Variants in GPD2 observed in about 807,000 individuals in gnomAD.
GPD2 encodes glycerol-3-phosphate dehydrogenase, mitochondrial.
A neutral mutation model predicts 82.4 loss-of-function variants in GPD2; 54 were observed. The observed-to-expected ratio is 0.66, with a 90% CI of 0.53 to 0.82. GPD2 has a LOEUF of 0.82. Ranked by LOEUF, GPD2 falls within the 40% of genes least tolerant of loss-of-function variation. GPD2 has a pLI of 0.00. For missense variants in GPD2, 748 were observed against 896.2 expected (o/e 0.83, Z 2.11); for synonymous variants, 288 against 306.1 (o/e 0.94, Z 0.62).
chr2:156,580,370 G>A (rs923803735), intron 16 of GPD2, among the ~76,000 whole-genome samples: 4 of 152,250 alleles, frequency 2.6e-5, no homozygotes, highest in Admixed American at 2.0e-4. Flanking sequence ...TCAAGGCTCT[G>A]TTGTTTAATC....
intron 1 of GPD2, among the ~76,000 whole-genome samples, chr2:156,439,462 G>C (rs1682064112): frequency 7.7e-6 from 1 of 130,630 alleles, no homozygotes; most frequent in Non-Finnish European, 1.6e-5. Flanking sequence ...CGTGCCTGTA[G>C]TCCCAGCTAC....
At chr2:156,448,659 G>C (rs1682452072) in intron 1 of GPD2, among the ~76,000 whole-genome samples, 2 of 152,210 alleles carry the variant, frequency 1.3e-5, no homozygotes, top group South Asian at 4.1e-4. Flanking sequence ...AAGTTGAGGA[G>C]CAGAGCATTC....
chr2:156,501,938 A>T (rs151092045), intron 3 of GPD2: 1 of 166,704 alleles, frequency 6.0e-6, no homozygotes, highest in South Asian at 2.0e-4. Context: ...AATTAAAATA[A>T]TCTGGTAAAG....
At chr2:156,527,652 T>C (rs954704505) in intron 6 of GPD2, among the ~76,000 whole-genome samples, 8 of 152,078 alleles carry the variant, frequency 5.3e-5, no homozygotes, top group African/African-American at 1.9e-4. Context: ...AGAATAGATA[T>C]TTGAGAATAA....
chr2:156,506,934 C>A (rs1039786910), intron 3 of GPD2, among the ~76,000 whole-genome samples: 2 of 152,044 alleles, frequency 1.3e-5, no homozygotes, highest in Admixed American at 1.3e-4. Flanking sequence ...ACAAGCACAC[C>A]CTGGTTCCCC....
At chr2:156,476,023 A>C in intron 1 of GPD2, 75 bp from the exon 2 acceptor site, 1 of 801,982 alleles carries the variant, frequency 1.2e-6, no homozygotes, top group Admixed American at 1.7e-5. Context: ...TAATCTACAC[A>C]GTGTCTTATT....
chr2:156,549,388 ATT>A (rs1220455906), intron 6 of GPD2, among the ~76,000 whole-genome samples: 5 of 152,168 alleles, frequency 3.3e-5, no homozygotes, highest in Non-Finnish European at 5.9e-5. Flanking sequence ...TATTTTCACT[ATT>A]TTTATGGTAC....
At chr2:156,569,708 C>T (rs1370004239) in intron 11 of GPD2, among the ~76,000 whole-genome samples, 170 bp downstream of exon 11, 1 of 152,002 alleles carries the variant, frequency 6.6e-6, no homozygotes, top group African/African-American at 2.4e-5. Context: ...CTTTACTTGC[C>T]CAACAAGCAA....
chr2:156,584,876 C>G lies in GPD2; in HGVS notation c.*1958C>G, dbSNP rs774889863. The G allele has an allele frequency of 1.3e-5, 2 of 152,204 alleles. No individual in the cohort carries two copies. The highest frequency in any genetic ancestry group is 2.4e-5 in the African/African-American group (1 of 41,382). 9.4% of individuals were successfully genotyped at this position (152,204 alleles called of 1,614,324 possible). A position where few individuals can be genotyped will look rare whatever the true frequency, so the allele number is the denominator to read the frequency against. ...ATTTGTGCTCTCTCTCTCTGTTTTTCTCTCTTTCTCTTTCTAGTTAGATCA... is the reference window on the plus strand; with the variant it reads ...ATTTGTGCTCTCTCTCTCTGTTTTTGTCTCTTTCTCTTTCTAGTTAGATCA... On this transcript the variant is annotated 3_prime_UTR_variant, in exon 17 of 17. Coordinates refer to ENST00000438166, the MANE Select transcript of GPD2 (RefSeq NM_000408.5).
intron 2 of GPD2, among the ~76,000 whole-genome samples, chr2:156,479,069 G>A (rs987617462): frequency 6.6e-6 from 1 of 152,188 alleles, no homozygotes; most frequent in Non-Finnish European, 1.5e-5. Context: ...AATACAAATG[G>A]ATTGAATATA....
chr2:156,503,450 A>G (rs1462128490), intron 3 of GPD2, among the ~76,000 whole-genome samples: 4 of 152,136 alleles, frequency 2.6e-5, no homozygotes, highest in Non-Finnish European at 5.9e-5. Flanking sequence ...ATATGCATAT[A>G]TAATTTTCTG....
intron 2 of GPD2, among the ~76,000 whole-genome samples, chr2:156,480,716 C>T (rs1228453878): frequency 6.6e-6 from 1 of 151,808 alleles, no homozygotes; most frequent in East Asian, 1.9e-4. Flanking sequence ...TTTTTCCCCC[C>T]TGCACCATAA....
intron 16 of GPD2, among the ~76,000 whole-genome samples, chr2:156,582,272 A>AG (rs1400107822): frequency 6.6e-6 from 1 of 152,054 alleles, no homozygotes; most frequent in African/African-American, 2.4e-5. Flanking sequence ...TTAATTCTTA[A>AG]GGTAGATCTC....
At chr2:156,549,911 G>T in intron 7 of GPD2, 139 bp downstream of exon 7, 1 of 771,816 alleles carries the variant, frequency 1.3e-6, no homozygotes, top group East Asian at 2.7e-5. Flanking sequence ...GTTATTGTCA[G>T]CAATGACTGG....
At chr2:156,451,302 C>CT (rs1436957562) in intron 1 of GPD2, among the ~76,000 whole-genome samples, 1 of 150,620 alleles carries the variant, frequency 6.6e-6, no homozygotes, top group Non-Finnish European at 1.5e-5. Context: ...GCTGACCCCC[C>CT]CACCTCCTTT....
intron 6 of GPD2, among the ~76,000 whole-genome samples, chr2:156,532,225 A>G (rs755580223): frequency 6.6e-6 from 1 of 152,136 alleles, no homozygotes; most frequent in Non-Finnish European, 1.5e-5. Context: ...CAGGCTGGTG[A>G]TGAACACCTG....
intron 1 of GPD2, among the ~76,000 whole-genome samples, chr2:156,439,524 AAAAAAAAAAAAAAAAC>A (rs1204439783): frequency 2.9e-4 from 28 of 98,230 alleles, no homozygotes; most frequent in Admixed American, 5.5e-4. Flanking sequence ...AAAAAAAAAA[AAAAAAAAAAAAAAAAC>A]AAAAAAAAAA....
chr2:156,453,583 A>C (rs1682690132), intron 1 of GPD2, among the ~76,000 whole-genome samples: 1 of 152,236 alleles, frequency 6.6e-6, no homozygotes, highest in South Asian at 2.1e-4. Flanking sequence ...TGGAGCCTTC[A>C]TGTAGTTGTA....
chr2:156,492,940 A>T (rs1684237588), intron 2 of GPD2, among the ~76,000 whole-genome samples: 1 of 152,246 alleles, frequency 6.6e-6, no homozygotes. Flanking sequence ...TATGTAAGAC[A>T]TCCAAATGGA....
Sources: gnomAD v4.1 joint callset for allele counts (sites outside exome capture counted in the v4.1 genomes callset) on GRCh38, gnomAD v4.1.1 for gene constraint, MANE v1.5 for transcripts, NCBI Gene and HGNC (gene_info 2026-07-23, HGNC 2026-07-21) for gene names.